Variants in TBC1D4 observed in about 807,000 individuals in gnomAD.
The protein encoded by TBC1D4 is TBC1 domain family member 4, also known as TBC (Tre-2, BUB2, CDC16) domain-containing protein.
Under a neutral mutation model 142.5 loss-of-function variants are expected in TBC1D4, and 121 were observed. The observed-to-expected ratio is 0.85, with a 90% CI of 0.73 to 0.99. The LOEUF (loss-of-function observed/expected upper bound fraction) is 0.99, where lower values mean the gene tolerates loss of function less well. TBC1D4 is among the 50% of genes least tolerant of loss of function. The probability of loss-of-function intolerance (pLI) is 0.00; values close to 1 mark genes in which losing one functional copy is unlikely to be tolerated. For synonymous variants in TBC1D4, 630 were observed against 628.2 expected (o/e 1.00, Z -0.04); for missense variants, 1,475 against 1,606.6 (o/e 0.92, Z 1.40).
intron 1 of TBC1D4, among the ~76,000 whole-genome samples, chr13:75,464,618 T>C (rs1336700486): frequency 2.0e-5 from 3 of 152,232 alleles, no homozygotes; most frequent in African/African-American, 4.8e-5. Flanking sequence ...TCTGGGTGTG[T>C]GTCTTTAATT....
intron 1 of TBC1D4, among the ~76,000 whole-genome samples, chr13:75,467,280 CT>C (rs1888206966): frequency 6.6e-6 from 1 of 152,182 alleles, no homozygotes. Flanking sequence ...TGCCTTTTGC[CT>C]TAACAAGCAG....
chr13:75,307,356 A>C (rs73220075), intron 14 of TBC1D4, among the ~76,000 whole-genome samples: 13 of 152,320 alleles, frequency 8.5e-5, no homozygotes, highest in Admixed American at 7.2e-4. Flanking sequence ...AGTTCTCTCT[A>C]ATTTGATGGT....
At chr13:75,360,148 CAA>C (rs1416753475) in intron 2 of TBC1D4, among the ~76,000 whole-genome samples, 3 of 152,172 alleles carry the variant, frequency 2.0e-5, no homozygotes, top group African/African-American at 7.2e-5. Flanking sequence ...AAAAAATATG[CAA>C]ACTTTCCTCA....
chr13:75,447,650 G>A (rs1335264352), intron 1 of TBC1D4, among the ~76,000 whole-genome samples: 1 of 152,020 alleles, frequency 6.6e-6, no homozygotes, highest in East Asian at 1.9e-4. Flanking sequence ...TTAGGACCTA[G>A]GCGTCACAGC....
At chr13:75,352,002 G>A (rs1437651161) in intron 4 of TBC1D4, among the ~76,000 whole-genome samples, 3 of 152,160 alleles carry the variant, frequency 2.0e-5, no homozygotes, top group African/African-American at 7.2e-5. Context: ...TCACATGACA[G>A]CTCATATGTC....
At chr13:75,296,500 G>C (rs1875942590) in intron 17 of TBC1D4, among the ~76,000 whole-genome samples, 1 of 152,044 alleles carries the variant, frequency 6.6e-6, no homozygotes, top group Non-Finnish European at 1.5e-5. Flanking sequence ...TACTCAAATG[G>C]GAGTTAAGAG....
chr13:75,403,281 A>G (rs1885187117), intron 1 of TBC1D4, among the ~76,000 whole-genome samples: 1 of 152,220 alleles, frequency 6.6e-6, no homozygotes, highest in Non-Finnish European at 1.5e-5. Flanking sequence ...CAGGGGAGAA[A>G]GGATTAAGAT....
At chr13:75,310,278 C>G in intron 13 of TBC1D4, 127 bp from the exon 14 acceptor site, 1 of 940,132 alleles carries the variant, frequency 1.1e-6, no homozygotes, top group Non-Finnish European at 1.7e-6. Context: ...TTCCCTGTAA[C>G]TTAGTTTCTG....
At position 75,362,072 on chromosome 13, in the gene TBC1D4, T is replaced by TG; in HGVS notation, c.1033dup (p.His345ProfsTer21). ...CTTCTCCGAGTCCGAGGGCTGGACG[T>TG]GACTGGGTGCGCTCGCGTGTCTCCG... On this transcript the variant is annotated frameshift_variant, in exon 2 of 21. Coordinates refer to ENST00000377636, the MANE Select transcript of TBC1D4 (RefSeq NM_014832.5). LOFTEE classifies it high-confidence loss of function. This position sits in a 1 kb window ranked among gnomAD's most constrained non-coding sequence, Gnocchi z 4.2. The TG allele has an allele frequency of 6.2e-7, 1 of 1,614,006 alleles. No homozygotes were observed.
intron 3 of TBC1D4, among the ~76,000 whole-genome samples, chr13:75,357,032 C>T (rs543459655): frequency 4.6e-5 from 7 of 152,316 alleles, no homozygotes; most frequent in South Asian, 4.2e-4. Flanking sequence ...GCTTTGAAGT[C>T]AGATTTGTGC....
chr13:75,463,214 G>A (rs1888042236), intron 1 of TBC1D4, among the ~76,000 whole-genome samples: 1 of 152,092 alleles, frequency 6.6e-6, no homozygotes, highest in Admixed American at 6.5e-5. Flanking sequence ...ACCAGAGGTG[G>A]TGTCAAGAAG....
chr13:75,436,373 C>T (rs1476608795), intron 1 of TBC1D4, among the ~76,000 whole-genome samples: 1 of 152,062 alleles, frequency 6.6e-6, no homozygotes, highest in African/African-American at 2.4e-5. Flanking sequence ...ACTACCATTT[C>T]AGGCTGGGTA....
chr13:75,309,354 A>G (rs1877512817), intron 14 of TBC1D4, among the ~76,000 whole-genome samples: 1 of 152,152 alleles, frequency 6.6e-6, no homozygotes. Flanking sequence ...TTATTTGATT[A>G]TAAATATAAT....
intron 3 of TBC1D4, among the ~76,000 whole-genome samples, chr13:75,359,517 A>G (rs1882326196): frequency 6.6e-6 from 1 of 152,220 alleles, no homozygotes; most frequent in Non-Finnish European, 1.5e-5. Flanking sequence ...ATTTGATGGT[A>G]TTACAATGAG....
intron 1 of TBC1D4, among the ~76,000 whole-genome samples, chr13:75,432,116 C>G (rs1593878834): frequency 6.6e-6 from 1 of 152,180 alleles, no homozygotes; most frequent in Non-Finnish European, 1.5e-5. Flanking sequence ...ACTCATTTTT[C>G]TTGTGTAACC....
intron 1 of TBC1D4, among the ~76,000 whole-genome samples, chr13:75,449,012 G>A (rs1352866141): frequency 6.6e-6 from 1 of 150,470 alleles, no homozygotes; most frequent in Admixed American, 6.7e-5. Context: ...ACAAAGGGGA[G>A]AATCATGTAT....
chr13:75,374,784 G>A (rs1883412839), intron 1 of TBC1D4, among the ~76,000 whole-genome samples: 1 of 151,728 alleles, frequency 6.6e-6, no homozygotes, highest in Non-Finnish European at 1.5e-5. Flanking sequence ...TTTCACACAT[G>A]GACTGCTTTC....
At chr13:75,359,182 A>T (rs570069476) in intron 3 of TBC1D4, among the ~76,000 whole-genome samples, 37 of 152,346 alleles carry the variant, frequency 2.4e-4, no homozygotes, top group Middle Eastern at 3.4e-3. Context: ...TGACATCTTC[A>T]AAAGTTCTTT....
intron 5 of TBC1D4, 109 bp downstream of exon 5, chr13:75,349,061 G>C (rs920352981): frequency 6.5e-7 from 1 of 1,545,898 alleles, no homozygotes; most frequent in African/African-American, 1.4e-5. Context: ...GATTCTTTGG[G>C]TTCTTGTTTC....
Sources: allele counts gnomAD v4.1 joint callset (sites outside exome capture counted in the v4.1 genomes callset), GRCh38; gene constraint gnomAD v4.1.1; non-coding constraint Gnocchi (gnomAD v3.1); transcripts MANE v1.5; gene names NCBI Gene and HGNC (gene_info 2026-07-23, HGNC 2026-07-21).